CHIC1: variants seen among roughly 807,000 people sequenced by gnomAD.
The protein encoded by CHIC1 is cysteine-rich hydrophobic domain-containing protein 1.
A neutral mutation model predicts 18.5 loss-of-function variants in CHIC1; 7 were observed. The ratio of observed to expected loss-of-function variants is 0.38; its 90% CI spans 0.22 to 0.71. CHIC1 has a LOEUF of 0.71. Ranked by LOEUF, CHIC1 falls within the 30% of genes least tolerant of loss-of-function variation. CHIC1 has a pLI of 0.49. For synonymous variants in CHIC1, 77 were observed against 73.5 expected, an observed-to-expected ratio of 1.05 and a Z score of -0.25; for missense variants, 159 against 176.9, an observed-to-expected ratio of 0.90 and a Z score of 0.57.
chrX:73,649,193 A>G (rs1237569729), intron 3 of CHIC1, among the ~76,000 whole-genome samples: 1 of 111,835 alleles, frequency 8.9e-6, no homozygotes, highest in African/African-American at 3.3e-5. Context: ...AGAGCTCCTG[A>G]AGGAAGCACT....
intron 3 of CHIC1, 84 bp from the exon 4 acceptor site, chrX:73,679,242 C>G: frequency 1.7e-6 from 1 of 587,818 alleles, no homozygotes; most frequent in South Asian, 2.7e-5. Context: ...TGGGATGTTA[C>G]AAGTAGGCAG....
intron 3 of CHIC1, among the ~76,000 whole-genome samples, chrX:73,678,199 A>C (rs1161504279): frequency 8.9e-6 from 1 of 111,917 alleles, no homozygotes. Flanking sequence ...CAGTTTCAGC[A>C]GTGTCTTTGA....
chrX:73,627,750 G>A lies in CHIC1; in HGVS notation c.507+43178G>A, dbSNP rs935526254. On this transcript the variant is annotated intron_variant, in intron 3 of 5. Transcript: ENST00000373502. ...GTAGGTTGAGAAATGCTGTCCAAGAGTCAAGTCTTGAAATCAGAGACCCCA... is the reference window on the plus strand; with the variant it reads ...GTAGGTTGAGAAATGCTGTCCAAGAATCAAGTCTTGAAATCAGAGACCCCA... Among the ~76,000 whole-genome samples, 3 of 111,359 alleles carry A rather than the reference G, an allele frequency of 2.7e-5. No individual in the cohort carries two copies. In the Admixed American group the frequency reaches 2.9e-4, roughly 11 times the overall value.
chrX:73,648,881 C>G (rs2057902254), intron 3 of CHIC1, among the ~76,000 whole-genome samples: 1 of 110,950 alleles, frequency 9.0e-6, no homozygotes, highest in African/African-American at 3.3e-5. Context: ...GAAGATCAAC[C>G]CGAAGACACA....
intron 3 of CHIC1, among the ~76,000 whole-genome samples, chrX:73,675,014 G>A (rs1486334772): frequency 3.0e-4 from 34 of 112,008 alleles, no homozygotes; most frequent in Non-Finnish European, 5.8e-4. Flanking sequence ...TTCAGGAGCA[G>A]GTTGTTCAGT....
chrX:73,613,063 T>C (rs1317238995), intron 3 of CHIC1, among the ~76,000 whole-genome samples: 1 of 112,321 alleles, frequency 8.9e-6, no homozygotes, highest in Non-Finnish European at 1.9e-5. Flanking sequence ...TATCATTACA[T>C]AGTGAACTTT....
At chrX:73,583,946 G>A (rs1274763898) in intron 2 of CHIC1, among the ~76,000 whole-genome samples, 2 of 111,042 alleles carry the variant, frequency 1.8e-5, no homozygotes, top group Middle Eastern at 4.2e-3. Flanking sequence ...AGGGAATAAG[G>A]GTTTGAGAGT....
chrX:73,574,661 G>C (rs983926268), intron 1 of CHIC1, among the ~76,000 whole-genome samples: 1 of 110,225 alleles, frequency 9.1e-6, no homozygotes, highest in African/African-American at 3.3e-5. Flanking sequence ...TTGGGAGCTT[G>C]TGTGTTTCCA....
At chrX:73,677,615 C>T (rs1211012009) in intron 3 of CHIC1, among the ~76,000 whole-genome samples, 2 of 111,901 alleles carry the variant, frequency 1.8e-5, no homozygotes, top group Non-Finnish European at 3.8e-5. Flanking sequence ...GGGAGTGACC[C>T]GATTTTCCAG....
intron 3 of CHIC1, among the ~76,000 whole-genome samples, chrX:73,663,941 C>G: frequency 9.0e-6 from 1 of 111,635 alleles, no homozygotes; most frequent in African/African-American, 3.3e-5. Flanking sequence ...ACTTAATCGC[C>G]CTAGGACTAA....
At chrX:73,626,854 A>G (rs943765867) in intron 3 of CHIC1, among the ~76,000 whole-genome samples, 5 of 110,738 alleles carry the variant, frequency 4.5e-5, no homozygotes, top group African/African-American at 1.6e-4. Flanking sequence ...TGTTGATGCT[A>G]GTAGATATTC....
intron 3 of CHIC1, among the ~76,000 whole-genome samples, chrX:73,632,558 T>G (rs978059392): frequency 9.0e-6 from 1 of 110,915 alleles, no homozygotes; most frequent in African/African-American, 3.3e-5. Context: ...TGATTTTTTT[T>G]CCATAGTAGT....
intron 3 of CHIC1, among the ~76,000 whole-genome samples, chrX:73,648,097 A>G (rs925940024): frequency 1.8e-5 from 2 of 111,579 alleles, no homozygotes; most frequent in Non-Finnish European, 3.8e-5. Flanking sequence ...CCAGCAAACC[A>G]CAGCAGCTGT....
chrX:73,605,978 T>G (rs2057681430), intron 3 of CHIC1, among the ~76,000 whole-genome samples: 1 of 108,240 alleles, frequency 9.2e-6, no homozygotes, highest in Admixed American at 9.7e-5. Context: ...GTCTTGGAGT[T>G]GCTCTTCTCG....
intron 3 of CHIC1, among the ~76,000 whole-genome samples, chrX:73,675,469 C>T (rs903907443): frequency 9.0e-6 from 1 of 111,639 alleles, no homozygotes; most frequent in African/African-American, 3.3e-5. Flanking sequence ...TGAATTGATC[C>T]CTTTCCCATA....
At position 73,614,282 on chromosome X, in the gene CHIC1, G is replaced by A. The variant is rs759101360; in HGVS notation, c.507+29710G>A. ...ATAAGTGACAAGACACTTTTCTCTTGCTGTTTCTAGAATTCTCTCTTTGTC... is the reference window on the plus strand; with the variant it reads ...ATAAGTGACAAGACACTTTTCTCTTACTGTTTCTAGAATTCTCTCTTTGTC... On this transcript the variant is annotated intron_variant, in intron 3 of 5. Coordinates refer to ENST00000373502, the MANE Select transcript of CHIC1 (RefSeq NM_001039840.4). Among the ~76,000 whole-genome samples, 4 of 111,229 alleles carry A rather than the reference G, an allele frequency of 3.6e-5. No individual in the cohort carries two copies. The Admixed American group carries it at 3.8e-4, about 11-fold the overall frequency.
intron 3 of CHIC1, among the ~76,000 whole-genome samples, chrX:73,625,757 C>A: frequency 9.0e-6 from 1 of 110,996 alleles, no homozygotes; most frequent in South Asian, 3.8e-4. Flanking sequence ...AGGTCTGTAA[C>A]CTTCCTAAGT....
At chrX:73,651,836 G>T (rs180881263) in intron 3 of CHIC1, among the ~76,000 whole-genome samples, 33 of 111,775 alleles carry the variant, frequency 3.0e-4, no homozygotes, top group Non-Finnish European at 4.7e-4. Context: ...TAGATTTAAT[G>T]CTCTTCCCAT....
intron 3 of CHIC1, among the ~76,000 whole-genome samples, chrX:73,625,867 T>C (rs760277029): frequency 9.0e-6 from 1 of 110,855 alleles, no homozygotes; most frequent in East Asian, 2.9e-4. Context: ...TCTCTGTTTC[T>C]AGGAGAGGCT....
Sources: gnomAD v4.1 joint callset for allele counts (sites outside exome capture counted in the v4.1 genomes callset) on GRCh38, gnomAD v4.1.1 for gene constraint, MANE v1.5 for transcripts, NCBI Gene and HGNC (gene_info 2026-07-23, HGNC 2026-07-21) for gene names.